Variants in NPR1 observed in about 807,000 individuals in gnomAD.
NPR1 encodes atrial natriuretic peptide receptor 1.
In NPR1, 57 loss-of-function variants were observed where a neutral mutation model predicts 116.9. The observed-to-expected ratio is 0.49, with a 90% CI of 0.39 to 0.61. NPR1 has a LOEUF of 0.61. Ranked by LOEUF, NPR1 falls within the 20% of genes least tolerant of loss-of-function variation. The probability of loss-of-function intolerance (pLI) is 0.00; values close to 1 mark genes in which losing one functional copy is unlikely to be tolerated. For missense variants in NPR1, 1,096 were observed against 1,409.8 expected, an observed-to-expected ratio of 0.78 and a Z score of 3.56; for synonymous variants, 555 against 601.6, an observed-to-expected ratio of 0.92 and a Z score of 1.13.
At position 153,689,532 on chromosome 1, in the gene NPR1, G is replaced by A; in HGVS notation, c.2757+11G>A. 1.2e-6 allele frequency: 2 copies of A among 1,612,656 alleles called. No homozygotes were observed. Among genetic ancestry groups the A allele is most frequent in the Non-Finnish European group, 1.7e-6 (2 of 1,178,638 alleles). On this transcript the variant is annotated intron_variant, in intron 18 of 21. Coordinates refer to ENST00000368680, the MANE Select transcript of NPR1 (RefSeq NM_000906.4). This position sits in a 1 kb window ranked among gnomAD's most constrained non-coding sequence, Gnocchi z 5.1. ...TTTGATGTGTACAAGGTGAGGGTGG[G>A]AGTGGGGATGGGAAGGGACAGACAG... is the stretch of plus-strand genomic sequence containing the variant.
intron 8 of NPR1, among the ~76,000 whole-genome samples, chr1:153,685,306 T>C (rs551698168): frequency 6.6e-6 from 1 of 151,256 alleles, no homozygotes; most frequent in East Asian, 1.9e-4. Context: ...GAGGAGATAG[T>C]ACCTGTGAAA....
chr1:153,681,360 C>T lies in NPR1; in HGVS notation c.1035+67C>T, dbSNP rs1669776355. On this transcript the variant is annotated intron_variant, in intron 3 of 21. Coordinates refer to ENST00000368680, the MANE Select transcript of NPR1 (RefSeq NM_000906.4). ...CCCCACTCCATGACCCTCTGCCAGC[C>T]TCCATCCTTCCCTATTCCCAGTTCT... 3 of 898,166 alleles carry T rather than the reference C, an allele frequency of 3.3e-6. No homozygotes were observed. The South Asian group carries it at 4.1e-5, about 12-fold the overall frequency. The allele number at this position is 898,166 out of a possible 1,614,324, so 55.6% of individuals were successfully genotyped here. A position where few individuals can be genotyped will look rare whatever the true frequency, so the allele number is the denominator to read the frequency against.
At position 153,682,571 on chromosome 1, in the gene NPR1, C is replaced by A. The variant is rs201584708; in HGVS notation, c.1245C>A (p.Pro415=). The A allele has an allele frequency of 2.5e-6, 4 of 1,613,862 alleles. No individual in the cohort carries two copies. The South Asian group carries it at 3.3e-5, about 13-fold the overall frequency. ...ETDFSLWDMD[P]ENGAFRVVLN... ...ACTTCTCCCTCTGGGATATGGATCCCGAGAATGGTGCCTTCAGGGTAAGTT... is the reference window on the plus strand; with the variant it reads ...ACTTCTCCCTCTGGGATATGGATCCAGAGAATGGTGCCTTCAGGGTAAGTT... The change falls in exon 5 of 22, where the codon CCC becomes CCA. Residue 415 remains proline, a synonymous_variant. Transcript: ENST00000368680.
At chr1:153,681,498 C>A in intron 3 of NPR1, 1 of 647,358 alleles carries the variant, frequency 1.5e-6, no homozygotes, top group Non-Finnish European at 2.7e-6. Flanking sequence ...GGAGACGATA[C>A]ATCCTGCCCT....
chr1:153,683,809 C>A lies in NPR1; in HGVS notation c.1469C>A (p.Ser490Tyr). The change falls in exon 7 of 22, where the codon TCC (serine) becomes TAC (tyrosine). Residue 490 changes from serine (S) to tyrosine (Y), a missense_variant. Ser to Tyr is a moderately radical substitution (Grantham distance 144). Coordinates refer to ENST00000368680, the MANE Select transcript of NPR1 (RefSeq NM_000906.4). ...SLSLLGILIV[S>Y]FFIYRKMQLE... ...TCCTTGCTCGGCATTCTGATTGTCT[C>A]CTTCTTCATATACAGGTGAGCTGTG... 6.2e-7 allele frequency: 1 copy of A among 1,613,828 alleles called. No individual in the cohort carries two copies. Among genetic ancestry groups the A allele is most frequent in the Non-Finnish European group, 8.5e-7 (1 of 1,179,970 alleles).
intron 11 of NPR1, 60 bp from the exon 12 acceptor site, chr1:153,686,956 C>A: frequency 6.4e-7 from 1 of 1,563,628 alleles, no homozygotes. Context: ...GACCCTGCAC[C>A]CTCCTCCAAC....
chr1:153,687,418 C>CA, intron 13 of NPR1, 62 bp downstream of exon 13: 1 of 1,577,354 alleles, frequency 6.3e-7, no homozygotes, highest in East Asian at 2.3e-5. Context: ...GAGACTGATG[C>CA]AAGGCCTCTG....
chr1:153,684,873 G>A, intron 7 of NPR1, 91 bp from the exon 8 acceptor site: 1 of 1,518,574 alleles, frequency 6.6e-7, no homozygotes, highest in Non-Finnish European at 9.0e-7. Context: ...AGTGCATGGT[G>A]TGGTCCCACG....
intron 12 of NPR1, 37 bp from the exon 13 acceptor site, chr1:153,687,138 TCTCCTGGCCACGGGTGTAGGTCCCA>T: frequency 6.2e-7 from 1 of 1,612,612 alleles, no homozygotes; most frequent in Non-Finnish European, 8.5e-7. Flanking sequence ...CAGGCATGCT[TCTCCTGGCCACGGGTGTAGGTCCCA>T]CTCCTGGCCA....
At chr1:153,687,575 C>G (rs538748032) in intron 13 of NPR1, 59 bp from the exon 14 acceptor site, 2 of 1,530,358 alleles carry the variant, frequency 1.3e-6, no homozygotes, top group East Asian at 4.5e-5. Context: ...CCCTTGTTTC[C>G]CCCTCACCCC....
intron 20 of NPR1, among the ~76,000 whole-genome samples, chr1:153,691,953 T>A (rs937393125): frequency 3.3e-5 from 5 of 150,932 alleles, no homozygotes; most frequent in African/African-American, 7.3e-5. Flanking sequence ...AAGGCCACTG[T>A]GATTGATGCA....
chr1:153,690,860 T>C (rs1396035054), intron 20 of NPR1, among the ~76,000 whole-genome samples: 2 of 149,416 alleles, frequency 1.3e-5, no homozygotes, highest in South Asian at 2.1e-4. Flanking sequence ...GAAGAATTGC[T>C]TGAACCCGGG....
At position 153,688,954 on chromosome 1, in the gene NPR1, G is replaced by C; in HGVS notation, c.2419G>C (p.Glu807Gln). ...CCCACCGCCACCCTCTGCCCCCAGG[G>C]AGAACAGCAGCAACATCCTGGACAA... The part of the protein sequence containing the change: ...IRLTLRKFNR[E>Q]NSSNILDNLL... Residue 807 changes from glutamate (E) to glutamine (Q), a missense_variant and splice_region_variant, in exon 16 of 22, where the codon GAG (glutamate) becomes CAG (glutamine). Glu to Gln is a conservative substitution (Grantham distance 29). Coordinates refer to ENST00000368680, the MANE Select transcript of NPR1 (RefSeq NM_000906.4). The C allele has an allele frequency of 5.0e-6, 8 of 1,614,042 alleles. No individual in the cohort carries two copies. Among genetic ancestry groups the C allele is most frequent in the Non-Finnish European group, 6.8e-6 (8 of 1,179,978 alleles).
chr1:153,692,703 G>T (rs1179366706), intron 20 of NPR1, among the ~76,000 whole-genome samples: 1 of 151,958 alleles, frequency 6.6e-6, no homozygotes, highest in Non-Finnish European at 1.5e-5. Flanking sequence ...AGTAGAGACG[G>T]GGTTTCGCCA....
At chr1:153,686,782 G>A in intron 11 of NPR1, 32 bp downstream of exon 11, 1 of 1,590,186 alleles carries the variant, frequency 6.3e-7, no homozygotes, top group Non-Finnish European at 8.6e-7. Flanking sequence ...AAGAAACCTG[G>A]GTTCTAGCCC....
At chr1:153,684,386 CTTTT>C (rs58272090) in intron 7 of NPR1, among the ~76,000 whole-genome samples, 9 of 89,014 alleles carry the variant, frequency 1.0e-4, no homozygotes, top group African/African-American at 1.7e-4. Context: ...TTCTTTCTTT[CTTTT>C]TTTTTTTTTT....
At chr1:153,683,913 C>A in intron 7 of NPR1, 89 bp downstream of exon 7, 4 of 1,192,994 alleles carry the variant, frequency 3.4e-6, no homozygotes, top group Non-Finnish European at 2.5e-6. Context: ...GGGAAGAGGG[C>A]AGGGGTGAAG....
At chr1:153,681,528 G>T in intron 3 of NPR1, 176 bp from the exon 4 acceptor site, 1 of 692,456 alleles carries the variant, frequency 1.4e-6, no homozygotes, top group Non-Finnish European at 2.4e-6. Flanking sequence ...GTAGGATTCA[G>T]GAAGTGATGC....
At chr1:153,680,902 CA>C in intron 2 of NPR1, 2 of 619,266 alleles carry the variant, frequency 3.2e-6, no homozygotes, top group Non-Finnish European at 5.6e-6. Context: ...GGGGACTGCC[CA>C]GGGGCGCTTC....
Sources: allele counts gnomAD v4.1 joint callset (sites outside exome capture counted in the v4.1 genomes callset), GRCh38; gene constraint gnomAD v4.1.1; non-coding constraint Gnocchi (gnomAD v3.1); transcripts MANE v1.5; gene names NCBI Gene and HGNC (gene_info 2026-07-23, HGNC 2026-07-21).